Variants in MYO18B observed in about 807,000 individuals in gnomAD.
MYO18B encodes the protein unconventional myosin-XVIIIb.
Under a neutral mutation model 273.0 loss-of-function variants are expected in MYO18B, and 204 were observed. That is an observed-to-expected ratio of 0.75 (90% CI 0.67 to 0.84). The LOEUF (loss-of-function observed/expected upper bound fraction) is 0.84, where lower values mean the gene tolerates loss of function less well. MYO18B is among the 40% of genes least tolerant of loss of function. The probability of loss-of-function intolerance (pLI) is 0.00; values close to 1 mark genes in which losing one functional copy is unlikely to be tolerated. For missense variants in MYO18B, 3,212 were observed against 3,287.6 expected (o/e 0.98, Z 0.56); for synonymous variants, 1,330 against 1,305.7 (o/e 1.02, Z -0.40).
chr22:25,981,940 A>G (rs2146792507), intron 39 of MYO18B, among the ~76,000 whole-genome samples: 1 of 152,268 alleles, frequency 6.6e-6, no homozygotes, highest in African/African-American at 2.4e-5. Context: ...AAGAGGTGTA[A>G]TTGGCTCATA....
intron 34 of MYO18B, among the ~76,000 whole-genome samples, chr22:25,936,644 C>CTTAAATACTAG (rs2092582060): frequency 1.3e-5 from 2 of 152,016 alleles, no homozygotes; most frequent in African/African-American, 2.4e-5. Context: ...AAAAAAATAC[C>CTTAAATACTAG]GTAAATTAAA....
intron 10 of MYO18B, among the ~76,000 whole-genome samples, chr22:25,783,536 C>A (rs1188702833): frequency 6.6e-6 from 1 of 152,208 alleles, no homozygotes; most frequent in Admixed American, 6.5e-5. Flanking sequence ...CCCTGGAGTT[C>A]CACACTGGGG....
chr22:25,819,237 C>A lies in MYO18B; in HGVS notation c.2522-4268C>A, dbSNP rs146241653. Among the ~76,000 whole-genome samples, 543 of 152,314 alleles carry A rather than the reference C, an allele frequency of 3.6e-3. 1 individual carries two copies. Among genetic ancestry groups the A allele is most frequent in the African/African-American group, 0.012 (514 of 41,578 alleles). On this transcript the variant is annotated intron_variant, in intron 12 of 43. Coordinates refer to ENST00000335473, the MANE Select transcript of MYO18B (RefSeq NM_032608.7). ...GCATCTCAGCTGCACCTGCAAATAT[C>A]CCCCCTAGGTCAGGCAGGATTTAGA... is the stretch of plus-strand genomic sequence containing the variant.
intron 12 of MYO18B, among the ~76,000 whole-genome samples, chr22:25,800,340 C>T (rs1188454258): frequency 7.2e-5 from 11 of 152,292 alleles, no homozygotes; most frequent in South Asian, 2.1e-4. Context: ...AAAAATCAGC[C>T]GTGGGCCATG....
intron 17 of MYO18B, among the ~76,000 whole-genome samples, chr22:25,837,881 A>T (rs113921929): frequency 6.6e-6 from 1 of 152,022 alleles, no homozygotes. Context: ...TCATTTTTTT[A>T]AATTTTAAGG....
intron 42 of MYO18B, among the ~76,000 whole-genome samples, chr22:26,016,665 A>G (rs1207569238): frequency 6.6e-6 from 1 of 152,110 alleles, no homozygotes; most frequent in Admixed American, 6.5e-5. Context: ...CATTCTTTCC[A>G]TTCTACAAGC....
intron 40 of MYO18B, among the ~76,000 whole-genome samples, chr22:25,999,737 C>T (rs1933765625): frequency 6.6e-6 from 1 of 151,740 alleles, no homozygotes; most frequent in South Asian, 2.1e-4. Flanking sequence ...CTCACTGCAA[C>T]CTCTGCCTCC....
intron 33 of MYO18B, among the ~76,000 whole-genome samples, chr22:25,913,508 C>T (rs188429271): frequency 8.5e-5 from 13 of 152,260 alleles, no homozygotes; most frequent in Admixed American, 3.3e-4. Context: ...GGACTACAGG[C>T]GCCCGCCACC....
chr22:25,809,944 C>T (rs2088661001), intron 12 of MYO18B, among the ~76,000 whole-genome samples: 1 of 149,528 alleles, frequency 6.7e-6, no homozygotes, highest in Admixed American at 6.7e-5. Flanking sequence ...ATGAGGAATA[C>T]GTCAATGTTG....
chr22:25,769,810 CTCATT>C (rs1363640025), intron 4 of MYO18B, among the ~76,000 whole-genome samples: 1 of 151,858 alleles, frequency 6.6e-6, no homozygotes, highest in South Asian at 2.1e-4. Flanking sequence ...CATGGAGTCT[CTCATT>C]TCAAAGGCCA....
intron 12 of MYO18B, among the ~76,000 whole-genome samples, chr22:25,811,649 T>G (rs1348698757): frequency 6.6e-6 from 1 of 152,230 alleles, no homozygotes; most frequent in African/African-American, 2.4e-5. Context: ...TATCTTGCCT[T>G]GGGCCTCTTT....
In MYO18B at chr22:25,883,110, G is replaced by T. The variant is rs763315894; in HGVS notation, c.4314+5062G>T. 2.0e-5 allele frequency among the ~76,000 whole-genome samples: 3 copies of T among 152,024 alleles called. No individual in the cohort carries two copies. Among genetic ancestry groups the T allele is most frequent in the Non-Finnish European group, 4.4e-5 (3 of 67,992 alleles). ...ATGGGGGTCTCACTTTGTTGCCCAGGTTGGTCTCCAATTCCTGGGCTCAAG... is the reference window on the plus strand; with the variant it reads ...ATGGGGGTCTCACTTTGTTGCCCAGTTTGGTCTCCAATTCCTGGGCTCAAG... On this transcript the variant is annotated intron_variant, in intron 25 of 43. Coordinates refer to ENST00000335473, the MANE Select transcript of MYO18B (RefSeq NM_032608.7). This position sits in a 1 kb window ranked among gnomAD's most constrained non-coding sequence, Gnocchi z 7.6.
the MYO18B span, among the ~76,000 whole-genome samples, chr22:26,044,734 C>G: frequency 5.3e-5 from 8 of 152,236 alleles, no homozygotes; most frequent in Non-Finnish European, 1.2e-4. Flanking sequence ...ATTGAAGACT[C>G]TCACTTCTGA....
chr22:25,766,158 T>A (rs2086499843), intron 3 of MYO18B, among the ~76,000 whole-genome samples: 1 of 151,998 alleles, frequency 6.6e-6, no homozygotes, highest in Non-Finnish European at 1.5e-5. Context: ...ATGCCGCAGT[T>A]CAAGGCACTG....
At chr22:25,971,876 A>G (rs2146737889) in intron 39 of MYO18B, among the ~76,000 whole-genome samples, 1 of 152,330 alleles carries the variant, frequency 6.6e-6, no homozygotes, top group African/African-American at 2.4e-5. Flanking sequence ...ATTTTCAAAC[A>G]GGGTCCTAGG....
In MYO18B at chr22:25,792,497, C is replaced by CTTTTTTTTTTTTTTTTTTTTTTT. The variant is rs58679561; in HGVS notation, c.2377-5440_2377-5439insTTTTTTTTTTTTTTTTTTTTTTT. On this transcript the variant is annotated intron_variant, in intron 11 of 43. Transcript: ENST00000335473. ...GTGATGTTTCTTTTTTTTTTCTTTT[C>CTTTTTTTTTTTTTTTTTTTTTTT]TTTTTTTTTTTTTTTTGAGACAGAG... Among the ~76,000 whole-genome samples, 24 of 107,950 alleles carry CTTTTTTTTTTTTTTTTTTTTTTT rather than the reference C, an allele frequency of 2.2e-4. 1 individual carries two copies. Among genetic ancestry groups the CTTTTTTTTTTTTTTTTTTTTTTT allele is most frequent in the East Asian group, 3.1e-4 (1 of 3,208 alleles). 70.8% of individuals were successfully genotyped at this position (107,950 alleles called of 152,430 possible).
At chr22:25,843,588 C>T (rs2090147565) in intron 17 of MYO18B, 147 bp from the exon 18 acceptor site, 1 of 702,206 alleles carries the variant, frequency 1.4e-6, no homozygotes, top group East Asian at 2.6e-5. Flanking sequence ...AAATTCACTA[C>T]AGCAGGAGAA....
chr22:25,892,096 G>A (rs2091677365), intron 27 of MYO18B: 1 of 152,234 alleles, frequency 6.6e-6, no homozygotes, highest in African/African-American at 2.4e-5. Flanking sequence ...TCTGGATTTG[G>A]ATTTTGGGGC....
At chr22:25,778,510 C>T (rs2087005445) in intron 8 of MYO18B, among the ~76,000 whole-genome samples, 1 of 152,076 alleles carries the variant, frequency 6.6e-6, no homozygotes, top group Admixed American at 6.6e-5. Flanking sequence ...GACGGGGTCT[C>T]ACTCTCTCAC....
Sources: gnomAD v4.1 joint callset for allele counts (sites outside exome capture counted in the v4.1 genomes callset) on GRCh38, gnomAD v4.1.1 for gene constraint, Gnocchi (gnomAD v3.1) non-coding constraint, MANE v1.5 for transcripts, NCBI Gene and HGNC (gene_info 2026-07-23, HGNC 2026-07-21) for gene names.